EDF1: variants seen among roughly 807,000 people sequenced by gnomAD.
The protein encoded by EDF1 is endothelial differentiation-related factor 1.
In EDF1, 5 loss-of-function variants were observed where a neutral mutation model predicts 20.8. The observed-to-expected ratio is 0.24, with a 90% CI of 0.13 to 0.51. The LOEUF (loss-of-function observed/expected upper bound fraction) is 0.51, where lower values mean the gene tolerates loss of function less well. Ranked by LOEUF, EDF1 falls within the 20% of genes least tolerant of loss-of-function variation. EDF1 has a pLI of 0.97. For synonymous variants in EDF1, 96 were observed against 78.5 expected (o/e 1.22, Z -1.18); for missense variants, 137 against 197.8 (o/e 0.69, Z 1.84).
In EDF1 at chr9:136,862,308, G is replaced by A. The variant is rs749346433; in HGVS notation, c.423C>T (p.Ile141=). 8 of 1,613,872 alleles carry A rather than the reference G, an allele frequency of 5.0e-6. No homozygotes were observed. The highest frequency in any genetic ancestry group is 1.7e-5 in the Admixed American group (1 of 59,972). The change falls in exon 5 of 5, where the codon ATC becomes ATT. Residue 141 remains isoleucine (I), a synonymous_variant. Coordinates refer to ENST00000224073, the MANE Select transcript of EDF1 (RefSeq NM_003792.4). The surrounding 1 kb of genome is among the most constrained non-coding windows in gnomAD (Gnocchi z 4.1). ...TTCATTTCGCCCTAGGCCCCTTCTCGATGGGCTTTCCAATGTCCTTTCCCC... is the reference window on the plus strand; with the variant it reads ...TTCATTTCGCCCTAGGCCCCTTCTCAATGGGCTTTCCAATGTCCTTTCCCC... ...KLRGKDIGKP[I]EKGPRAK
chr9:136,863,930 C>G lies in EDF1; in HGVS notation c.79-59G>C, dbSNP rs1023536657. Reference sequence around the variant, plus strand: ...TAGCTTTGACAGTATCCAGCACACACCAATTCAGGCCTGCTGTTAGCCAGT... The same window carrying G: ...TAGCTTTGACAGTATCCAGCACACAGCAATTCAGGCCTGCTGTTAGCCAGT... On this transcript the variant is annotated intron_variant, in intron 1 of 4. Transcript: ENST00000224073. This position sits in a 1 kb window ranked among gnomAD's most constrained non-coding sequence, Gnocchi z 4.5. The G allele has an allele frequency of 1.1e-5, 18 of 1,573,414 alleles. No individual in the cohort carries two copies. The highest frequency in any genetic ancestry group is 4.4e-5 in the South Asian group (4 of 90,130).
chr9:136,866,132 C>A, intron 1 of EDF1, 49 bp downstream of exon 1: 1 of 1,556,856 alleles, frequency 6.4e-7, no homozygotes, highest in East Asian at 2.6e-5. Flanking sequence ...GTGGCCCCGG[C>A]CCAGCGTCCG....
intron 1 of EDF1, among the ~76,000 whole-genome samples, chr9:136,865,751 G>GCCTTGT (rs1298970560): frequency 6.8e-6 from 1 of 146,592 alleles, no homozygotes; most frequent in African/African-American, 2.6e-5. Flanking sequence ...AAGGCCCCCA[G>GCCTTGT]CCTTGTCCCC....
At position 136,864,619 on chromosome 9, in the gene EDF1, GTATT is replaced by G. The variant is rs200879920; in HGVS notation, c.79-752_79-749del. On this transcript the variant is annotated intron_variant, in intron 1 of 4. Transcript: ENST00000224073. ...TACAGTCACTGAATATTAATATAAT[GTATT>G]TATTAACTTTTTTTTTTTGAGACAG... 8.5e-3 allele frequency among the ~76,000 whole-genome samples: 1,282 copies of G among 151,692 alleles called. 19 individuals carry two copies. The highest frequency in any genetic ancestry group is 0.03 in the African/African-American group (1,223 of 41,300).
chr9:136,864,030 G>C (rs1237631480), intron 1 of EDF1, among the ~76,000 whole-genome samples, 159 bp from the exon 2 acceptor site: 1 of 152,124 alleles, frequency 6.6e-6, no homozygotes, highest in Non-Finnish European at 1.5e-5. Context: ...AGCTCAACTA[G>C]GCACCATGGC....
chr9:136,866,104 C>A, intron 1 of EDF1, 77 bp downstream of exon 1: 1 of 1,436,286 alleles, frequency 7.0e-7, no homozygotes, highest in South Asian at 1.3e-5. Flanking sequence ...CTTCCCCGAG[C>A]CCCCTGCCCC....
rs1378026837 is a variant in EDF1 at position 136,866,045 on chromosome 9, C to T, written c.78+136G>A. On this transcript the variant is annotated intron_variant, in intron 1 of 4. Coordinates refer to ENST00000224073, the MANE Select transcript of EDF1 (RefSeq NM_003792.4). ...TTCGAACCCCGTCCTGCCCCCGGCACCCCAGCCTTGTCCCCGTCCCCTGCG... is the reference window on the plus strand; with the variant it reads ...TTCGAACCCCGTCCTGCCCCCGGCATCCCAGCCTTGTCCCCGTCCCCTGCG... The T allele has an allele frequency of 1.3e-5, 11 of 860,782 alleles. No individual in the cohort carries two copies. In the African/African-American group the frequency reaches 1.6e-4, roughly 13 times the overall value. The allele number at this position is 860,782 out of a possible 1,614,324, so 53.3% of individuals were successfully genotyped here.
At position 136,866,279 on chromosome 9, in the gene EDF1, C is replaced by G. The variant is rs569022472; in HGVS notation, c.-21G>C. 8.8e-6 allele frequency: 14 copies of G among 1,591,768 alleles called. No homozygotes were observed. The highest frequency in any genetic ancestry group is 4.1e-5 in the African/African-American group (3 of 72,302). Reference sequence around the variant, plus strand: ...GCCATGGCGGGCGAAGACGAGCGTCCGTCCGGCGGCTCAGCGGCAGCTGCT... The same window carrying G: ...GCCATGGCGGGCGAAGACGAGCGTCGGTCCGGCGGCTCAGCGGCAGCTGCT... On this transcript the variant is annotated 5_prime_UTR_variant, in exon 1 of 5. Coordinates refer to ENST00000224073, the MANE Select transcript of EDF1 (RefSeq NM_003792.4).
Position 136,862,884 on chromosome 9 carries a change from C to T in EDF1, c.385+22G>A, listed in dbSNP as rs780220641. On this transcript the variant is annotated intron_variant, in intron 4 of 4. Transcript: ENST00000224073. The surrounding 1 kb of genome is among the most constrained non-coding windows in gnomAD (Gnocchi z 4.1). The stretch of plus-strand genomic sequence containing the variant: ...TAGCCTCCCTGTTCAGCGGACCCGG[C>T]GAAGGGTGGAGGGACACTCACCAAT... 8.1e-6 allele frequency: 13 copies of T among 1,612,706 alleles called. No individual in the cohort carries two copies. The highest frequency in any genetic ancestry group is 1.1e-5 in the South Asian group (1 of 91,022).
At chr9:136,864,155 CACA>C (rs1849168493) in intron 1 of EDF1, among the ~76,000 whole-genome samples, 1 of 152,116 alleles carries the variant, frequency 6.6e-6, no homozygotes, top group Non-Finnish European at 1.5e-5. Context: ...AACAATAAAA[CACA>C]ACAAAACCCC....
Position 136,862,930 on chromosome 9 carries a change from G to T in EDF1, c.361C>A (p.Leu121Ile). The change falls in exon 4 of 5, where the codon CTT becomes ATT. Residue 121 changes from leucine (L) to isoleucine (I), a missense_variant. By Grantham distance (5) the Leu-to-Ile change is conservative (BLOSUM62 2). Transcript: ENST00000224073. The surrounding 1 kb of genome is among the most constrained non-coding windows in gnomAD (Gnocchi z 4.1). ...CCAATGGCCCGCTCGATTTTGCCAA[G>T]CACCTGGTTATTGGGTATGGCCCGT... ...SGRAIPNNQVLGKIERAIGLK... is the reference protein window; with the variant it reads ...SGRAIPNNQVIGKIERAIGLK... 6.2e-7 allele frequency: 1 copy of T among 1,613,950 alleles called. No individual in the cohort carries two copies.
rs1235317613 is a variant in EDF1, at chr9:136,862,120, G to A, written c.*164C>T. ...AGAAAAACAGCCAGCAGAACCCAGC[G>A]CTTTGCAAGGTTTTGTTTGTTTGAC... On this transcript the variant is annotated 3_prime_UTR_variant, in exon 5 of 5. Coordinates refer to ENST00000224073, the MANE Select transcript of EDF1 (RefSeq NM_003792.4). This position sits in a 1 kb window ranked among gnomAD's most constrained non-coding sequence, Gnocchi z 4.1. The A allele has an allele frequency of 9.1e-6, 8 of 880,586 alleles. No homozygotes were observed. Among genetic ancestry groups the A allele is most frequent in the South Asian group, 4.6e-5 (3 of 64,914 alleles). The allele number at this position is 880,586 out of a possible 1,614,324, so 54.5% of individuals were successfully genotyped here. A position where few individuals can be genotyped will look rare whatever the true frequency, so the allele number is the denominator to read the frequency against.
chr9:136,865,039 TAAAAG>T (rs1176544188), intron 1 of EDF1, among the ~76,000 whole-genome samples: 1 of 152,186 alleles, frequency 6.6e-6, no homozygotes, highest in Non-Finnish European at 1.5e-5. Context: ...AAGTTTCCTT[TAAAAG>T]AAAAGGAGAG....
Position 136,862,864 on chromosome 9 carries a change from T to G in EDF1, c.385+42A>C. Reference sequence around the variant, plus strand: ...CAACCCCAGCTGGGAGCGGGTAGCCTCCCTGTTCAGCGGACCCGGCGAAGG... The same window carrying G: ...CAACCCCAGCTGGGAGCGGGTAGCCGCCCTGTTCAGCGGACCCGGCGAAGG... On this transcript the variant is annotated intron_variant, in intron 4 of 4. Coordinates refer to ENST00000224073, the MANE Select transcript of EDF1 (RefSeq NM_003792.4). The surrounding 1 kb of genome is among the most constrained non-coding windows in gnomAD (Gnocchi z 4.1). The G allele has an allele frequency of 6.2e-7, 1 of 1,612,146 alleles. No homozygotes were observed. Among genetic ancestry groups the G allele is most frequent in the East Asian group, 2.2e-5 (1 of 44,862 alleles).
chr9:136,863,547 C>G lies in EDF1; in HGVS notation c.131-99G>C. ...AACCAGACCCCAGAGGCTGCCTGAA[C>G]TCAAGGGGACATGGGAACCCAGGCT... On this transcript the variant is annotated intron_variant, in intron 2 of 4. Coordinates refer to ENST00000224073, the MANE Select transcript of EDF1 (RefSeq NM_003792.4). This position sits in a 1 kb window ranked among gnomAD's most constrained non-coding sequence, Gnocchi z 4.5. The G allele has an allele frequency of 6.9e-7, 1 of 1,448,168 alleles. No homozygotes were observed. Among genetic ancestry groups the G allele is most frequent in the Non-Finnish European group, 9.2e-7 (1 of 1,081,714 alleles). The allele number at this position is 1,448,168 out of a possible 1,614,324, so 89.7% of individuals were successfully genotyped here.
Position 136,866,295 on chromosome 9 carries a change from G to T in EDF1, c.-37C>A, listed in dbSNP as rs762540774. On this transcript the variant is annotated 5_prime_UTR_variant, in exon 1 of 5. Coordinates refer to ENST00000224073, the MANE Select transcript of EDF1 (RefSeq NM_003792.4). ...ACGAGCGTCCGTCCGGCGGCTCAGCGGCAGCTGCTAGAGACCTGGCGCGGC... is the reference window on the plus strand; with the variant it reads ...ACGAGCGTCCGTCCGGCGGCTCAGCTGCAGCTGCTAGAGACCTGGCGCGGC... The T allele has an allele frequency of 1.9e-5, 30 of 1,588,448 alleles. No individual in the cohort carries two copies. The Admixed American group carries it at 2.2e-4, about 12-fold the overall frequency.
rs1564392158 is a variant in EDF1, at chr9:136,863,188, C to G, written c.291+100G>C. 4 of 1,546,602 alleles carry G rather than the reference C, an allele frequency of 2.6e-6. No homozygotes were observed. The highest frequency in any genetic ancestry group is 2.3e-5 in the East Asian group (1 of 44,396). On this transcript the variant is annotated intron_variant, in intron 3 of 4. Coordinates refer to ENST00000224073, the MANE Select transcript of EDF1 (RefSeq NM_003792.4). The surrounding 1 kb of genome is among the most constrained non-coding windows in gnomAD (Gnocchi z 4.5). ...TCCCGAGGCATTCCCTGCAGGGGAACCAGGGGGGTGGAGCCCACCCTCCCC... is the reference window on the plus strand; with the variant it reads ...TCCCGAGGCATTCCCTGCAGGGGAAGCAGGGGGGTGGAGCCCACCCTCCCC...
chr9:136,865,471 C>T (rs1327114740), intron 1 of EDF1, among the ~76,000 whole-genome samples: 2 of 151,972 alleles, frequency 1.3e-5, no homozygotes, highest in African/African-American at 4.8e-5. Flanking sequence ...GGAGCCTACC[C>T]CCTGTCCCCA....
At chr9:136,864,651 TCTCA>T (rs1849179049) in intron 1 of EDF1, among the ~76,000 whole-genome samples, 1 of 151,686 alleles carries the variant, frequency 6.6e-6, no homozygotes, top group Non-Finnish European at 1.5e-5. Flanking sequence ...TGAGACAGAG[TCTCA>T]CTCTGTTGCC....
Sources: gnomAD v4.1 joint callset for allele counts (sites outside exome capture counted in the v4.1 genomes callset) on GRCh38, gnomAD v4.1.1 for gene constraint, Gnocchi (gnomAD v3.1) non-coding constraint, MANE v1.5 for transcripts, NCBI Gene and HGNC (gene_info 2026-07-23, HGNC 2026-07-21) for gene names.